Variants in IDUA observed in about 807,000 individuals in gnomAD.
IDUA encodes the protein iduronidase alpha-L-.
In IDUA, 65 loss-of-function variants were observed where a neutral mutation model predicts 68.9. The ratio of observed to expected loss-of-function variants is 0.94; its 90% CI spans 0.77 to 1.16. The LOEUF (loss-of-function observed/expected upper bound fraction) is 1.16. Among genes scored for constraint, IDUA ranks in the 50% most tolerant of loss-of-function variants. The pLI, the probability that IDUA is intolerant of heterozygous loss-of-function variation, is 0.00. For missense variants in IDUA, 1,046 were observed against 938.0 expected, an observed-to-expected ratio of 1.12 and a Z score of -1.50; for synonymous variants, 529 against 433.6, an observed-to-expected ratio of 1.22 and a Z score of -2.73.
intron 2 of IDUA, among the ~76,000 whole-genome samples, chr4:994,401 G>A (rs1302452372): frequency 6.6e-6 from 1 of 151,544 alleles, no homozygotes; most frequent in Non-Finnish European, 1.5e-5. Flanking sequence ...TCAGCCTCCT[G>A]AGTAGCTGGG....
chr4:993,636 G>GA (rs1714542222), intron 2 of IDUA, among the ~76,000 whole-genome samples: 1 of 152,208 alleles, frequency 6.6e-6, no homozygotes, highest in Non-Finnish European at 1.5e-5. Flanking sequence ...CCTGCCGGGG[G>GA]GGCTTAGGGA....
chr4:994,639 AT>A (rs1442040411), intron 2 of IDUA, among the ~76,000 whole-genome samples: 1 of 151,842 alleles, frequency 6.6e-6, no homozygotes, highest in Admixed American at 6.6e-5. Context: ...GGGTTTCACC[AT>A]GTTAGCCAGG....
chr4:998,671 C>T, intron 2 of IDUA, among the ~76,000 whole-genome samples: 1 of 152,154 alleles, frequency 6.6e-6, no homozygotes, highest in East Asian at 1.9e-4. Flanking sequence ...ACTCAGTTCA[C>T]CCTCAGATGT....
At chr4:992,240 C>A (rs778878771) in intron 2 of IDUA, 2 of 456,846 alleles carry the variant, frequency 4.4e-6, no homozygotes, top group Admixed American at 2.3e-5. Context: ...GGTTGGCAAA[C>A]GGTCCTGCTG....
In IDUA at chr4:1,003,497, C is replaced by T. The variant is rs375392649; in HGVS notation, c.1650+27C>T. ...CAAGTGGCAGTCCCCTAACCCGCGC[C>T]GCGGCCCGGACTCCCCTTCCCCGAC... is the stretch of plus-strand genomic sequence containing the variant. On this transcript the variant is annotated intron_variant, in intron 11 of 13. Transcript: ENST00000514224. The T allele has an allele frequency of 8.3e-5, 132 of 1,595,720 alleles. 3 individuals are homozygous for T. The South Asian group carries it at 8.6e-4, about 10-fold the overall frequency.
In IDUA at chr4:1,002,792, C is replaced by T. The variant is rs1464048268; in HGVS notation, c.1250C>T (p.Thr417Met). The change falls in exon 9 of 14, where the codon ACG becomes ATG. Residue 417 changes from threonine (T) to methionine (M), a missense_variant. By Grantham distance (81) the Thr-to-Met change is moderately conservative. Transcript: ENST00000514224. ...GGGACCGTCCTGGACAGCAACCACA[C>T]GGTGGGCGTCCTGGCCAGCGCCCAC... ...QAGTVLDSNH[T>M]VGVLASAHRP... 1.4e-6 allele frequency: 2 copies of T among 1,468,288 alleles called. No individual in the cohort carries two copies. The highest frequency in any genetic ancestry group is 9.0e-7 in the Non-Finnish European group (1 of 1,115,554). The allele number at this position is 1,468,288 out of a possible 1,614,324, so 91.0% of individuals were successfully genotyped here.
intron 2 of IDUA, chr4:988,357 G>A: frequency 2.8e-6 from 3 of 1,076,252 alleles, no homozygotes; most frequent in Non-Finnish European, 3.4e-6. Context: ...CGAGGTGTGA[G>A]GGGCACTTGG....
At chr4:996,457 C>T (rs915309804) in intron 2 of IDUA, among the ~76,000 whole-genome samples, 15 of 152,214 alleles carry the variant, frequency 9.9e-5, no homozygotes, top group Non-Finnish European at 5.9e-5. Flanking sequence ...CCTGGGGCCA[C>T]AGAAAAACCT....
intron 2 of IDUA, chr4:988,445 A>C: frequency 9.4e-7 from 1 of 1,060,982 alleles, no homozygotes; most frequent in East Asian, 7.6e-5. Context: ...CAGGGTGGGC[A>C]CCGGGCAGGC....
intron 2 of IDUA, 131 bp from the exon 3 acceptor site, chr4:1,000,481 C>T (rs565945027): frequency 3.2e-5 from 24 of 748,540 alleles, no homozygotes; most frequent in Middle Eastern, 4.9e-4. Context: ...AAGGGCCCCT[C>T]GGGAAGCCGG....
At chr4:987,781 G>A in intron 1 of IDUA, 28 bp from the exon 2 acceptor site, 1 of 1,611,380 alleles carries the variant, frequency 6.2e-7, no homozygotes, top group Non-Finnish European at 8.5e-7. Flanking sequence ...TGAGGCTCGG[G>A]ACTGAGCCGC....
intron 2 of IDUA, chr4:988,862 CCCTGTGG>C: frequency 6.2e-7 from 1 of 1,607,056 alleles, no homozygotes; most frequent in Non-Finnish European, 8.5e-7. Flanking sequence ...GCCTCCAGCT[CCCTGTGG>C]CGGGCTCGTG....
chr4:989,937 C>A lies in IDUA; in HGVS notation c.299+1988C>A, dbSNP rs1162969103. ...AAGCCACACGCTGCATCAGCCTGGGCTCTGGGACCTGAGGGGGCATGAAAC... is the reference window on the plus strand; with the variant it reads ...AAGCCACACGCTGCATCAGCCTGGGATCTGGGACCTGAGGGGGCATGAAAC... On this transcript the variant is annotated intron_variant, in intron 2 of 13. Coordinates refer to ENST00000514224, the MANE Select transcript of IDUA (RefSeq NM_000203.5). The A allele has an allele frequency of 1.9e-6, 3 of 1,556,670 alleles. No homozygotes were observed. Among genetic ancestry groups the A allele is most frequent in the Non-Finnish European group, 2.6e-6 (3 of 1,151,474 alleles).
At chr4:990,442 G>A (rs1340926116) in intron 2 of IDUA, 1 of 1,374,066 alleles carries the variant, frequency 7.3e-7, no homozygotes, top group African/African-American at 1.4e-5. Flanking sequence ...ATGGCCCGAG[G>A]GGTGGTGGTC....
chr4:991,655 C>G, intron 2 of IDUA: 1 of 1,546,942 alleles, frequency 6.5e-7, no homozygotes, highest in Non-Finnish European at 8.7e-7. Context: ...TGCCGTCGGA[C>G]CGGCACCGGC....
At chr4:989,782 A>G in intron 2 of IDUA, 3 of 1,567,350 alleles carry the variant, frequency 1.9e-6, no homozygotes, top group Non-Finnish European at 2.6e-6. Flanking sequence ...GAAGGCGGGT[A>G]GCACGTTGCA....
intron 2 of IDUA, among the ~76,000 whole-genome samples, chr4:995,395 G>A (rs945089461): frequency 4.0e-5 from 6 of 151,826 alleles, no homozygotes; most frequent in South Asian, 2.1e-4. Flanking sequence ...AGGTCCCCCC[G>A]ACTTTGACAG....
chr4:995,207 G>A (rs903780413), intron 2 of IDUA, among the ~76,000 whole-genome samples: 8 of 152,032 alleles, frequency 5.3e-5, no homozygotes, highest in Non-Finnish European at 8.8e-5. Flanking sequence ...ACCACGCCCG[G>A]CTAATTTTTG....
rs759777644 is a variant in IDUA, at chr4:1,003,571, C to T, written c.1673C>T (p.Pro558Leu). The T allele has an allele frequency of 3.7e-6, 6 of 1,612,244 alleles. No homozygotes were observed. The Admixed American group carries it at 5.0e-5, about 13-fold the overall frequency. Residue 558 changes from proline (P) to leucine (L), a missense_variant, in exon 12 of 14, where the codon CCC (proline) becomes CTC (leucine). Coordinates refer to ENST00000514224, the MANE Select transcript of IDUA (RefSeq NM_000203.5). ...CAGGTCACGCGGCTCCGCGCCCTGCCCCTGACCCAAGGGCAGCTGGTTCTG... is the reference window on the plus strand; with the variant it reads ...CAGGTCACGCGGCTCCGCGCCCTGCTCCTGACCCAAGGGCAGCTGGTTCTG... ...PGQVTRLRAL[P>L]LTQGQLVLVW...
Sources: allele counts gnomAD v4.1 joint callset (sites outside exome capture counted in the v4.1 genomes callset), GRCh38; gene constraint gnomAD v4.1.1; transcripts MANE v1.5; gene names NCBI Gene and HGNC (gene_info 2026-07-23, HGNC 2026-07-21).